Variants in UPP1 observed in about 807,000 individuals in gnomAD.
The protein encoded by UPP1 is UPase 1.
UPP1 carries 25 observed loss-of-function variants against 29.6 expected under a neutral mutation model. The observed-to-expected ratio is 0.85, with a 90% CI of 0.62 to 1.18. The LOEUF (loss-of-function observed/expected upper bound fraction) is 1.18. UPP1 is among the 50% of genes most tolerant of loss of function. UPP1 has a pLI of 0.00. For missense variants in UPP1, 368 were observed against 410.4 expected (o/e 0.90, Z 0.89); for synonymous variants, 165 against 159.8 (o/e 1.03, Z -0.25).
At chr7:48,095,875 G>A (rs1792103664) in intron 3 of UPP1, among the ~76,000 whole-genome samples, 1 of 152,128 alleles carries the variant, frequency 6.6e-6, no homozygotes, top group Non-Finnish European at 1.5e-5. Flanking sequence ...TCAAACTCCT[G>A]ACCTCAAGTG....
At chr7:48,089,956 A>G (rs2128806437) in intron 1 of UPP1, among the ~76,000 whole-genome samples, 1 of 152,334 alleles carries the variant, frequency 6.6e-6, no homozygotes. Context: ...AGAAGGGGGT[A>G]AAATTTCATT....
intron 5 of UPP1, among the ~76,000 whole-genome samples, chr7:48,103,087 C>T (rs1792520909): frequency 6.6e-6 from 1 of 152,162 alleles, no homozygotes; most frequent in African/African-American, 2.4e-5. Flanking sequence ...CAAATTGTGT[C>T]GATCAAATGG....
chr7:48,103,794 A>G (rs1792566914), intron 6 of UPP1: 2 of 1,291,146 alleles, frequency 1.5e-6, no homozygotes, highest in Non-Finnish European at 2.0e-6. Flanking sequence ...ATTTTGAAGC[A>G]CCTTAGGAGA....
rs141221118 is a variant in UPP1, at chr7:48,101,851, C to T, written c.190C>T (p.Arg64Trp). ...KFVCVGGSPSRMKAFIRCVGA... is the reference protein window; with the variant it reads ...KFVCVGGSPSWMKAFIRCVGA... ...TGTGTGTGTTGGTGGAAGCCCCTCCCGGATGAAAGCCTTCATCAGGTGCGT... is the reference window on the plus strand; with the variant it reads ...TGTGTGTGTTGGTGGAAGCCCCTCCTGGATGAAAGCCTTCATCAGGTGCGT... Residue 64 changes from arginine to tryptophan, a missense_variant, in exon 5 of 9, where the codon CGG (arginine) becomes TGG (tryptophan). Transcript: ENST00000395564. The T allele has an allele frequency of 3.3e-5, 53 of 1,613,818 alleles. No individual in the cohort carries two copies. Among genetic ancestry groups the T allele is most frequent in the African/African-American group, 9.4e-5 (7 of 74,866 alleles).
intron 8 of UPP1, 66 bp from the exon 9 acceptor site, chr7:48,108,152 C>A (rs941478591): frequency 6.4e-7 from 1 of 1,569,194 alleles, no homozygotes; most frequent in Non-Finnish European, 8.7e-7. Flanking sequence ...GTGGGTTCTT[C>A]ATCCCGTCCC....
chr7:48,091,371 G>A (rs1382934534), intron 2 of UPP1, among the ~76,000 whole-genome samples: 1 of 151,538 alleles, frequency 6.6e-6, no homozygotes, highest in African/African-American at 2.4e-5. Flanking sequence ...CTCTTCCTTG[G>A]GGAGCCAAAT....
At chr7:48,104,434 G>T (rs1300929527) in intron 6 of UPP1, among the ~76,000 whole-genome samples, 2 of 152,092 alleles carry the variant, frequency 1.3e-5, no homozygotes, top group Non-Finnish European at 2.9e-5. Flanking sequence ...TGCTCCCACC[G>T]AGGTGTTCAG....
In UPP1 at chr7:48,089,304, T is replaced by C. The variant is rs3763504; in HGVS notation, c.-313T>C. On this transcript the variant is annotated 5_prime_UTR_variant, in exon 1 of 9. Transcript: ENST00000395564. ...GCGCACAGACCCGCGCCCCGCCGTC[T>C]GCGAGCCTCCCGAGAGCCGTCCCTT... The C allele has an allele frequency of 0.58, 88,497 of 152,298 alleles. 25,919 individuals are homozygous for C. Among genetic ancestry groups the C allele is most frequent in the South Asian group, 0.65 (3,123 of 4,832 alleles). 9.4% of individuals were successfully genotyped at this position (152,298 alleles called of 1,614,324 possible). A position where few individuals can be genotyped will look rare whatever the true frequency, so the allele number is the denominator to read the frequency against.
chr7:48,089,613 TG>T (rs1399750613), intron 1 of UPP1, 195 bp downstream of exon 1: 1 of 153,480 alleles, frequency 6.5e-6, no homozygotes, highest in Non-Finnish European at 1.4e-5. Context: ...CGGGAGGTTC[TG>T]GGGCTGGTGT....
chr7:48,103,899 C>G (rs1345417747), intron 6 of UPP1: 1 of 1,278,478 alleles, frequency 7.8e-7, no homozygotes, highest in Non-Finnish European at 1.0e-6. Flanking sequence ...CTATCCTCAA[C>G]AGGGACATTT....
chr7:48,104,453 G>A (rs1344627317), intron 6 of UPP1, among the ~76,000 whole-genome samples: 2 of 152,144 alleles, frequency 1.3e-5, no homozygotes, highest in Non-Finnish European at 1.5e-5. Flanking sequence ...AGAGCTCAGG[G>A]AAGAAGCCTG....
chr7:48,107,640 T>A, intron 8 of UPP1, 133 bp downstream of exon 8: 1 of 1,065,004 alleles, frequency 9.4e-7, no homozygotes, highest in Non-Finnish European at 1.3e-6. Context: ...TGCCCCCAAG[T>A]CACTTTCTGA....
intron 3 of UPP1, among the ~76,000 whole-genome samples, chr7:48,098,280 G>T (rs1268573952): frequency 6.6e-6 from 1 of 152,212 alleles, no homozygotes; most frequent in Non-Finnish European, 1.5e-5. Context: ...GTCATGAAAG[G>T]AGGAAGCAGT....
At chr7:48,101,243 T>A (rs183567069) in intron 4 of UPP1, among the ~76,000 whole-genome samples, 2,181 of 146,404 alleles carry the variant, frequency 0.015, 22 homozygotes, top group East Asian at 0.052. Context: ...CTTAAAAAAA[T>A]TTTTTTTTTC....
Position 48,108,431 on chromosome 7 carries a change from G to A in UPP1, c.*74G>A. The A allele has an allele frequency of 6.6e-7, 1 of 1,522,860 alleles. No homozygotes were observed. Among genetic ancestry groups the A allele is most frequent in the Non-Finnish European group, 8.9e-7 (1 of 1,123,788 alleles). The allele number at this position is 1,522,860 out of a possible 1,614,324, so 94.3% of individuals were successfully genotyped here. On this transcript the variant is annotated 3_prime_UTR_variant, in exon 9 of 9. Transcript: ENST00000395564. ...AGCATTGTCCAAAATCCCCTGTTGT[G>A]TGGACTTTGAGCACACTTTACACAA...
chr7:48,102,122 G>A, intron 5 of UPP1, 140 bp downstream of exon 5: 1 of 968,124 alleles, frequency 1.0e-6, no homozygotes, highest in Non-Finnish European at 1.5e-6. Context: ...CACAGTAGCT[G>A]GGATTCAGAG....
chr7:48,091,990 G>C (rs748686879), intron 2 of UPP1, among the ~76,000 whole-genome samples: 1 of 152,164 alleles, frequency 6.6e-6, no homozygotes. Context: ...TTCTACAAAC[G>C]GGGTTGGATT....
At chr7:48,099,622 T>C in intron 3 of UPP1, 48 bp from the exon 4 acceptor site, 1 of 1,319,066 alleles carries the variant, frequency 7.6e-7, no homozygotes, top group Non-Finnish European at 1.1e-6. Context: ...ATGTCGGCTG[T>C]CGGGCACTGA....
At chr7:48,102,877 G>A (rs1792509467) in intron 5 of UPP1, among the ~76,000 whole-genome samples, 1 of 152,214 alleles carries the variant, frequency 6.6e-6, no homozygotes, top group Non-Finnish European at 1.5e-5. Flanking sequence ...GGAACCAGCT[G>A]ATTACTTAGT....
Sources: gnomAD v4.1 joint callset for allele counts (sites outside exome capture counted in the v4.1 genomes callset) on GRCh38, gnomAD v4.1.1 for gene constraint, MANE v1.5 for transcripts, NCBI Gene and HGNC (gene_info 2026-07-23, HGNC 2026-07-21) for gene names.